Variants in HDAC9 observed in about 807,000 individuals in gnomAD.
The protein encoded by HDAC9 is histone deacetylase 9.
In HDAC9, 41 loss-of-function variants were observed where a neutral mutation model predicts 139.4. The ratio of observed to expected loss-of-function variants is 0.29; its 90% CI spans 0.23 to 0.38. The LOEUF is 0.38. Ranked by LOEUF, HDAC9 falls within the 10% of genes least tolerant of loss-of-function variation. The pLI, the probability that HDAC9 is intolerant of heterozygous loss-of-function variation, is 1.00. For synonymous variants in HDAC9, 517 were observed against 476.2 expected (o/e 1.09, Z -1.12); for missense variants, 1,147 against 1,297.0 (o/e 0.88, Z 1.78).
chr7:18,696,105 A>G (rs953694400), intron 12 of HDAC9, among the ~76,000 whole-genome samples: 3 of 151,954 alleles, frequency 2.0e-5, no homozygotes, highest in African/African-American at 7.2e-5. Context: ...TGCTTTTAAT[A>G]TCATTTTTGT....
intron 2 of HDAC9, among the ~76,000 whole-genome samples, chr7:18,561,381 A>G (rs1314341132): frequency 1.3e-5 from 2 of 152,184 alleles, no homozygotes; most frequent in Non-Finnish European, 2.9e-5. Context: ...CTGTATATTA[A>G]CCTTTTGTTA....
intron 16 of HDAC9, among the ~76,000 whole-genome samples, chr7:18,780,343 A>T (rs1791140168): frequency 1.3e-5 from 2 of 152,102 alleles, no homozygotes; most frequent in Admixed American, 6.6e-5. Context: ...GAGAGATCAG[A>T]TAGCAGGCTC....
At chr7:18,194,654 G>C (rs1790605341) in intron 2 of HDAC9, among the ~76,000 whole-genome samples, 1 of 152,104 alleles carries the variant, frequency 6.6e-6, no homozygotes, top group Non-Finnish European at 1.5e-5. Context: ...TCTGGATCCA[G>C]TGCTGCCATG....
intron 1 of HDAC9, among the ~76,000 whole-genome samples, chr7:18,307,607 A>G (rs537887475): frequency 5.6e-4 from 85 of 152,244 alleles, no homozygotes; most frequent in African/African-American, 1.7e-3. Context: ...GTTGTGGGCC[A>G]GGCTGACCAA....
intron 1 of HDAC9, among the ~76,000 whole-genome samples, chr7:18,437,576 T>TTA (rs995536569): frequency 5.2e-4 from 78 of 148,868 alleles, no homozygotes; most frequent in Non-Finnish European, 6.8e-4. Context: ...ATCTGAAAGT[T>TTA]TATATATATA....
chr7:18,954,150 A>G lies in HDAC9; in HGVS notation c.2942A>G (p.Glu981Gly). 1 of 1,559,996 alleles carries G rather than the reference A, an allele frequency of 6.4e-7. No homozygotes were observed. Among genetic ancestry groups the G allele is most frequent in the Non-Finnish European group, 8.7e-7 (1 of 1,144,984 alleles). ...CVNALLGNEL[E>G]PLAEDILHQS... Reference sequence around the variant, plus strand: ...TATTATCTACTATTCTTGCAGCTGGAGCCACTTGCAGAAGATATTCTCCAC... The same window carrying G: ...TATTATCTACTATTCTTGCAGCTGGGGCCACTTGCAGAAGATATTCTCCAC... Residue 981 changes from glutamate to glycine, a missense_variant, in exon 24 of 26, where the codon GAG becomes GGG. By Grantham distance (98) the Glu-to-Gly change is moderately conservative. This residue lies in a region of HDAC9 where 407 missense variants were observed against 521.5 expected (regional missense o/e 0.78). Coordinates refer to ENST00000686413, the MANE Select transcript of HDAC9 (RefSeq NM_178425.4).
intron 1 of HDAC9, among the ~76,000 whole-genome samples, chr7:18,422,136 G>A (rs1373397094): frequency 1.3e-5 from 2 of 152,154 alleles, no homozygotes; most frequent in African/African-American, 2.4e-5. Context: ...CTTGGTTCTA[G>A]TTTATTCTCC....
intron 1 of HDAC9, among the ~76,000 whole-genome samples, chr7:18,366,670 T>G (rs1784204888): frequency 6.6e-6 from 1 of 152,110 alleles, no homozygotes; most frequent in African/African-American, 2.4e-5. Flanking sequence ...AGATGACATT[T>G]TTTTGGCAGT....
At position 18,876,703 on chromosome 7, in the gene HDAC9, ATT is replaced by A. The variant is rs71017009; in HGVS notation, c.2803+2122_2803+2123del. ...TGTTTCATAAAATGGATGAGAATAG[ATT>A]TTTTTTTTTTTTTTAAGACAGAGTT... is the stretch of plus-strand genomic sequence containing the variant. On this transcript the variant is annotated intron_variant, in intron 22 of 25. Coordinates refer to ENST00000686413, the MANE Select transcript of HDAC9 (RefSeq NM_178425.4). 2.0e-3 allele frequency among the ~76,000 whole-genome samples: 288 copies of A among 145,078 alleles called. 1 individual carries two copies. The highest frequency in any genetic ancestry group is 6.6e-3 in the African/African-American group (263 of 39,588).
intron 12 of HDAC9, among the ~76,000 whole-genome samples, chr7:18,712,345 T>C (rs1217504853): frequency 6.6e-6 from 1 of 152,194 alleles, no homozygotes; most frequent in African/African-American, 2.4e-5. Context: ...AGAGAAGGGA[T>C]GGGCTCTAGC....
chr7:18,722,712 A>C (rs1161238044), intron 12 of HDAC9, among the ~76,000 whole-genome samples: 2 of 152,182 alleles, frequency 1.3e-5, no homozygotes, highest in Admixed American at 6.5e-5. Flanking sequence ...CATGTGGTTT[A>C]CTGGATTATT....
intron 1 of HDAC9, among the ~76,000 whole-genome samples, chr7:18,158,315 G>T (rs957049946): frequency 1.3e-5 from 2 of 152,132 alleles, no homozygotes; most frequent in African/African-American, 4.8e-5. Flanking sequence ...AGACTTTTAT[G>T]GCAAATTTTG....
At chr7:18,934,273 T>A (rs1316189213) in intron 22 of HDAC9, among the ~76,000 whole-genome samples, 2 of 151,794 alleles carry the variant, frequency 1.3e-5, no homozygotes, top group Non-Finnish European at 2.9e-5. Context: ...CCCAACATTC[T>A]GGCATCAGAT....
chr7:18,540,215 G>A (rs1029410024), intron 2 of HDAC9, among the ~76,000 whole-genome samples: 1 of 145,572 alleles, frequency 6.9e-6, no homozygotes, highest in African/African-American at 2.6e-5. Context: ...GGAGGTTGCA[G>A]TGAGCCGAGA....
chr7:18,908,936 T>A (rs1315603168), intron 22 of HDAC9, among the ~76,000 whole-genome samples: 4 of 152,126 alleles, frequency 2.6e-5, no homozygotes, highest in African/African-American at 9.7e-5. Context: ...GTGAGATGGC[T>A]GGAGCATACA....
chr7:18,231,681 G>A (rs1793470370), intron 2 of HDAC9, among the ~76,000 whole-genome samples: 1 of 152,194 alleles, frequency 6.6e-6, no homozygotes, highest in African/African-American at 2.4e-5. Context: ...AAGGACCAGA[G>A]CCTCTATGTG....
chr7:18,212,288 A>G (rs1028169847), intron 2 of HDAC9, among the ~76,000 whole-genome samples: 2 of 152,182 alleles, frequency 1.3e-5, no homozygotes, highest in African/African-American at 4.8e-5. Context: ...ATGTTCTAAT[A>G]TGCTTCTTCC....
chr7:18,381,276 A>T (rs1434925824), intron 1 of HDAC9, among the ~76,000 whole-genome samples: 8 of 151,590 alleles, frequency 5.3e-5, no homozygotes, highest in African/African-American at 1.9e-4. Context: ...TAATTGTGTT[A>T]GAAACACAAT....
intron 11 of HDAC9, among the ~76,000 whole-genome samples, chr7:18,664,197 A>G (rs1794098378): frequency 6.6e-6 from 1 of 152,132 alleles, no homozygotes; most frequent in Non-Finnish European, 1.5e-5. Context: ...AAGTCCTGCA[A>G]ATAGTTTCCT....
Sources: allele counts gnomAD v4.1 joint callset (sites outside exome capture counted in the v4.1 genomes callset), GRCh38; gene constraint gnomAD v4.1.1; regional missense constraint gnomAD v4.1.1; transcripts MANE v1.5; gene names NCBI Gene and HGNC (gene_info 2026-07-23, HGNC 2026-07-21).